Variants in RIT2 observed in about 807,000 individuals in gnomAD.
RIT2 encodes GTP-binding protein Rit2.
In RIT2, 24 loss-of-function variants were observed where a neutral mutation model predicts 23.7. That is an observed-to-expected ratio of 1.01 (90% CI 0.73 to 1.43). The LOEUF is 1.43. Among genes scored for constraint, RIT2 ranks in the 40% most tolerant of loss-of-function variants. The pLI, the probability that RIT2 is intolerant of heterozygous loss-of-function variation, is 0.00. For missense variants in RIT2, 236 were observed against 266.9 expected, an observed-to-expected ratio of 0.88 and a Z score of 0.81; for synonymous variants, 107 against 91.1, an observed-to-expected ratio of 1.17 and a Z score of -0.99.
intron 4 of RIT2, among the ~76,000 whole-genome samples, chr18:42,886,604 C>T (rs1908028835): frequency 6.6e-6 from 1 of 152,218 alleles, no homozygotes; most frequent in Non-Finnish European, 1.5e-5. Flanking sequence ...ATAAGTTGTA[C>T]TGCCTTTTCT....
At chr18:43,002,825 C>T (rs1911138952) in intron 2 of RIT2, among the ~76,000 whole-genome samples, 1 of 151,824 alleles carries the variant, frequency 6.6e-6, no homozygotes, top group African/African-American at 2.4e-5. Context: ...GTTTTATGTG[C>T]ATTTAATGTT....
rs551400871 is a variant in RIT2, at chr18:42,950,154, A to G, written c.234+23920T>C. Among the ~76,000 whole-genome samples the G allele has an allele frequency of 3.0e-4, 45 of 152,260 alleles. No homozygotes were observed. The South Asian group carries it at 8.9e-3, about 30-fold the overall frequency. ...TGCTTATCTTCTTCTAGTTAATTAA[A>G]TACTATAAGGCTACAGTAGCCAAAA... On this transcript the variant is annotated intron_variant, in intron 3 of 4. Transcript: ENST00000326695.
intron 4 of RIT2, among the ~76,000 whole-genome samples, chr18:42,767,909 G>A (rs138986289): frequency 1.1e-3 from 161 of 151,800 alleles, no homozygotes; most frequent in African/African-American, 3.6e-3. Flanking sequence ...AGTGCCTTTC[G>A]CCTCCCACCA....
intron 4 of RIT2, among the ~76,000 whole-genome samples, chr18:42,775,775 T>C (rs1027824464): frequency 1.3e-5 from 2 of 151,954 alleles, no homozygotes; most frequent in African/African-American, 4.8e-5. Flanking sequence ...GACCAAAATA[T>C]ATTCCTCATA....
At chr18:43,026,630 A>AAGAAAGAAAGAG (rs1555652912) in intron 2 of RIT2, among the ~76,000 whole-genome samples, 5 of 94,572 alleles carry the variant, frequency 5.3e-5, no homozygotes, top group African/African-American at 1.6e-4. Flanking sequence ...GAAAGAAAGA[A>AAGAAAGAAAGAG]AGAAAGAGAG....
At chr18:43,026,481 G>C (rs1911721170) in intron 2 of RIT2, among the ~76,000 whole-genome samples, 1 of 151,462 alleles carries the variant, frequency 6.6e-6, no homozygotes, top group African/African-American at 2.4e-5. Flanking sequence ...TTGAACCCGG[G>C]AGGCAGAGGG....
chr18:42,809,330 T>G (rs1189000083), intron 4 of RIT2, among the ~76,000 whole-genome samples: 1 of 152,106 alleles, frequency 6.6e-6, no homozygotes, highest in Non-Finnish European at 1.5e-5. Flanking sequence ...ATCCCAGTAT[T>G]ATTTGCTCTC....
At chr18:43,105,752 T>G (rs899383395) in intron 1 of RIT2, among the ~76,000 whole-genome samples, 1 of 152,170 alleles carries the variant, frequency 6.6e-6, no homozygotes, top group Admixed American at 6.5e-5. Context: ...TCCCACAGTT[T>G]GTGCCAGGCT....
intron 4 of RIT2, among the ~76,000 whole-genome samples, chr18:42,880,103 T>C (rs1468571138): frequency 1.3e-5 from 2 of 152,176 alleles, no homozygotes; most frequent in Admixed American, 1.3e-4. Context: ...CACAGTTTCA[T>C]CTTTCCAAAT....
intron 4 of RIT2, among the ~76,000 whole-genome samples, chr18:42,769,507 C>A (rs1913499522): frequency 6.6e-6 from 1 of 151,978 alleles, no homozygotes; most frequent in Non-Finnish European, 1.5e-5. Context: ...AGCCTGATAC[C>A]TTTTACTAGA....
At chr18:43,008,110 C>T (rs1911267537) in intron 2 of RIT2, among the ~76,000 whole-genome samples, 1 of 151,436 alleles carries the variant, frequency 6.6e-6, no homozygotes, top group South Asian at 2.1e-4. Flanking sequence ...TCTTTAGCTC[C>T]AACTAGAAAT....
chr18:42,893,800 C>G (rs1908247896), intron 4 of RIT2, among the ~76,000 whole-genome samples: 1 of 152,142 alleles, frequency 6.6e-6, no homozygotes, highest in Admixed American at 6.5e-5. Flanking sequence ...TTCATTCTGT[C>G]ATGGGCTGGT....
At chr18:42,996,143 G>A (rs560624773) in intron 2 of RIT2, among the ~76,000 whole-genome samples, 17 of 152,046 alleles carry the variant, frequency 1.1e-4, no homozygotes, top group Non-Finnish European at 2.2e-4. Flanking sequence ...ATACAAAACC[G>A]TATCCAGGCC....
intron 1 of RIT2, among the ~76,000 whole-genome samples, chr18:43,045,724 T>G (rs954223769): frequency 6.6e-6 from 1 of 152,136 alleles, no homozygotes; most frequent in African/African-American, 2.4e-5. Flanking sequence ...ACCTCTAATA[T>G]CTTTTTACCT....
intron 3 of RIT2, among the ~76,000 whole-genome samples, chr18:42,963,215 A>T (rs1960236495): frequency 6.6e-6 from 1 of 152,226 alleles, no homozygotes; most frequent in African/African-American, 2.4e-5. Flanking sequence ...TAGGAATAAG[A>T]ATATGTTTAA....
chr18:42,920,103 C>T (rs1393404750), intron 4 of RIT2, among the ~76,000 whole-genome samples: 1 of 152,102 alleles, frequency 6.6e-6, no homozygotes, highest in Admixed American at 6.6e-5. Context: ...ACTGGCTTAT[C>T]CATGGCCTGG....
chr18:42,871,067 G>A (rs1029304200), intron 4 of RIT2, among the ~76,000 whole-genome samples: 1 of 152,054 alleles, frequency 6.6e-6, no homozygotes, highest in Admixed American at 6.6e-5. Context: ...ATCGTGCACT[G>A]GGCCACTCTT....
In RIT2 at chr18:43,073,458, A is replaced by G. The variant is rs565218553; in HGVS notation, c.104-39591T>C. 9.2e-5 allele frequency among the ~76,000 whole-genome samples: 14 copies of G among 152,272 alleles called. 1 individual carries two copies. In the South Asian group the frequency reaches 2.7e-3, roughly 29 times the overall value. ...GTGTGGCATTTAAAGGTATAATATC[A>G]TTCTTTCTTTGTGATGCTAGCTCCA... On this transcript the variant is annotated intron_variant, in intron 1 of 4. Transcript: ENST00000326695.
At chr18:42,894,138 T>A (rs921456436) in intron 4 of RIT2, among the ~76,000 whole-genome samples, 3 of 152,174 alleles carry the variant, frequency 2.0e-5, no homozygotes, top group Non-Finnish European at 4.4e-5. Flanking sequence ...GTCACCTCCC[T>A]ATATATCCTG....
Sources: allele counts gnomAD v4.1 joint callset (sites outside exome capture counted in the v4.1 genomes callset), GRCh38; gene constraint gnomAD v4.1.1; transcripts MANE v1.5; gene names NCBI Gene and HGNC (gene_info 2026-07-23, HGNC 2026-07-21).